The following ELP1 variants were observed in gnomAD, a reference collection of about 807,000 sequenced individuals.
ELP1 encodes elongator complex protein 1.
In ELP1, 131 loss-of-function variants were observed where a neutral mutation model predicts 183.2. The observed-to-expected ratio is 0.72, with a 90% CI of 0.62 to 0.83. The LOEUF (loss-of-function observed/expected upper bound fraction) is 0.83. Ranked by LOEUF, ELP1 falls within the 40% of genes least tolerant of loss-of-function variation. The pLI is 0.00. For synonymous variants in ELP1, 555 were observed against 569.0 expected (o/e 0.98, Z 0.35); for missense variants, 1,550 against 1,594.9 (o/e 0.97, Z 0.48).
chr9:108,927,531 A>T (rs1829858762), intron 3 of ELP1, 78 bp from the exon 4 acceptor site: 3 of 1,142,608 alleles, frequency 2.6e-6, no homozygotes, highest in Non-Finnish European at 4.0e-6. Flanking sequence ...CAATCAAAAC[A>T]ATTAAAAAAA....
intron 6 of ELP1, among the ~76,000 whole-genome samples, chr9:108,920,147 G>A (rs569028791): frequency 2.0e-4 from 30 of 152,272 alleles, no homozygotes; most frequent in East Asian, 3.9e-4. Flanking sequence ...GACAGAAAAC[G>A]TAGATGGCAA....
At position 108,867,791 on chromosome 9, in the gene ELP1, G is replaced by A. The variant is rs1320500231; in HGVS notation, c.*1324C>T. 2 of 152,170 alleles carry A rather than the reference G, an allele frequency of 1.3e-5. No individual in the cohort carries two copies. The highest frequency in any genetic ancestry group is 2.9e-5 in the Non-Finnish European group (2 of 68,034). 9.4% of individuals were successfully genotyped at this position (152,170 alleles called of 1,614,324 possible). A position where few individuals can be genotyped will look rare whatever the true frequency, so the allele number is the denominator to read the frequency against. Reference sequence around the variant, plus strand: ...GATTGTGAAAATGTTCAAACATACAGAAAAGTTGAATTTTACAGTGAATAC... The same window carrying A: ...GATTGTGAAAATGTTCAAACATACAAAAAAGTTGAATTTTACAGTGAATAC... On this transcript the variant is annotated 3_prime_UTR_variant, in exon 37 of 37. Transcript: ENST00000374647.
chr9:108,899,692 G>A, intron 20 of ELP1, 130 bp downstream of exon 20: 1 of 677,736 alleles, frequency 1.5e-6, no homozygotes, highest in Non-Finnish European at 2.5e-6. Context: ...GAGCCTCTAA[G>A]AATCTGATTG....
chr9:108,880,850 C>T (rs10979584), intron 31 of ELP1, among the ~76,000 whole-genome samples: 27,491 of 151,982 alleles, frequency 0.18, 3,219 homozygotes, highest in African/African-American at 0.33. Context: ...TAAAAAGTAC[C>T]CCAGCAACGT....
chr9:108,920,704 T>G (rs997279704), intron 6 of ELP1, among the ~76,000 whole-genome samples: 3 of 152,222 alleles, frequency 2.0e-5, no homozygotes, highest in Admixed American at 6.5e-5. Context: ...AGTACTTGTA[T>G]CTGCCTACTC....
At chr9:108,886,607 C>T (rs1046622009) in intron 29 of ELP1, among the ~76,000 whole-genome samples, 28 of 152,170 alleles carry the variant, frequency 1.8e-4, no homozygotes, top group African/African-American at 6.5e-4. Context: ...CAAAATTTAA[C>T]ACCCATTCAT....
rs2132027862 is a variant in ELP1 at position 108,917,576 on chromosome 9, T to C, written c.835A>G (p.Thr279Ala). Reference sequence around the variant, plus strand: ...ACCTCATCTTTAAGGAAGGGAAGTGTAAAGTGTCCATGAAGGAGTCCATTT... The same window carrying C: ...ACCTCATCTTTAAGGAAGGGAAGTGCAAAGTGTCCATGAAGGAGTCCATTT... ...EKNGLLHGHF[T>A]LPFLKDEVKV... The change falls in exon 9 of 37, where the codon ACA becomes GCA. Residue 279 changes from threonine to alanine, a missense_variant. Thr to Ala is a moderately conservative substitution (Grantham distance 58, BLOSUM62 0). Coordinates refer to ENST00000374647, the MANE Select transcript of ELP1 (RefSeq NM_003640.5). The C allele has an allele frequency of 6.2e-7, 1 of 1,613,984 alleles. No individual in the cohort carries two copies. The highest frequency in any genetic ancestry group is 1.1e-5 in the South Asian group (1 of 91,074).
At chr9:108,884,248 C>A (rs901118791) in intron 29 of ELP1, among the ~76,000 whole-genome samples, 1 of 152,108 alleles carries the variant, frequency 6.6e-6, no homozygotes, top group Non-Finnish European at 1.5e-5. Flanking sequence ...GCACCTATAA[C>A]AGAGCTTCAA....
At chr9:108,919,215 A>T (rs889628529) in intron 7 of ELP1, 38 bp downstream of exon 7, 7 of 1,453,982 alleles carry the variant, frequency 4.8e-6, no homozygotes, top group African/African-American at 1.4e-5. Context: ...TAAGATAAAA[A>T]TTTTTTATTG....
rs971091914 is a variant in ELP1 at position 108,878,435 on chromosome 9, C to T, written c.3700+188G>A. On this transcript the variant is annotated intron_variant, in intron 34 of 36. Coordinates refer to ENST00000374647, the MANE Select transcript of ELP1 (RefSeq NM_003640.5). ...TAGGGGGATGCCAAATGGAGGAAGGCTTCTCAGTTACCAGCTAAGAAGGGC... is the reference window on the plus strand; with the variant it reads ...TAGGGGGATGCCAAATGGAGGAAGGTTTCTCAGTTACCAGCTAAGAAGGGC... Among the ~76,000 whole-genome samples the T allele has an allele frequency of 7.9e-5, 12 of 152,210 alleles. No homozygotes were observed. The East Asian group carries it at 2.3e-3, about 29-fold the overall frequency.
rs368982368 is a variant in ELP1 at position 108,930,623 on chromosome 9, G to A, written c.150+374C>T. ...GAGAATGGTGTGAACCCGGGGAGGC[G>A]GAGCTTGCAGTGAGCCACGATCACA... On this transcript the variant is annotated intron_variant, in intron 2 of 36. Coordinates refer to ENST00000374647, the MANE Select transcript of ELP1 (RefSeq NM_003640.5). 7.4e-4 allele frequency among the ~76,000 whole-genome samples: 112 copies of A among 150,940 alleles called. 1 individual carries two copies. In the East Asian group the frequency reaches 0.014, roughly 19 times the overall value.
chr9:108,933,658 T>A (rs1034937584), intron 1 of ELP1, among the ~76,000 whole-genome samples: 3 of 152,252 alleles, frequency 2.0e-5, no homozygotes, highest in Non-Finnish European at 2.9e-5. Context: ...GCAGCAGGCA[T>A]CCCTGGGCTG....
At chr9:108,925,933 C>A (rs567433873) in intron 5 of ELP1, among the ~76,000 whole-genome samples, 5 of 152,308 alleles carry the variant, frequency 3.3e-5, no homozygotes, top group Admixed American at 1.3e-4. Context: ...GTTGATGGAG[C>A]AAGAAGGCAG....
chr9:108,900,414 A>G (rs1322976508), intron 18 of ELP1, 39 bp from the exon 19 acceptor site: 9 of 1,402,548 alleles, frequency 6.4e-6, no homozygotes, highest in East Asian at 2.3e-5. Context: ...AATTATCACA[A>G]CAAGCCACTC....
Position 108,926,544 on chromosome 9 carries a change from G to C in ELP1, c.445C>G (p.His149Asp). Residue 149 changes from histidine (H) to aspartate (D), a missense_variant, in exon 5 of 37, where the codon CAT (histidine) becomes GAT (aspartate). Transcript: ENST00000374647. ...DFEPILEQQI[H>D]QDDFGESKFI... ...TTACTTTCACCAAAATCATCCTGAT[G>C]GATCTGCTGCTCCAGGATTGGCTCA... 6.2e-7 allele frequency: 1 copy of C among 1,612,994 alleles called. No individual in the cohort carries two copies. Among genetic ancestry groups the C allele is most frequent in the Non-Finnish European group, 8.5e-7 (1 of 1,179,668 alleles).
chr9:108,928,069 T>C (rs1042997030), intron 3 of ELP1, among the ~76,000 whole-genome samples: 30 of 152,220 alleles, frequency 2.0e-4, no homozygotes, highest in African/African-American at 7.0e-4. Context: ...AAACGCTTGA[T>C]GGGATGGATA....
intron 10 of ELP1, 71 bp downstream of exon 10, chr9:108,916,133 G>T: frequency 8.7e-7 from 1 of 1,154,920 alleles, no homozygotes; most frequent in Non-Finnish European, 1.3e-6. Context: ...AGGGATGAAG[G>T]AAATCCCATA....
intron 16 of ELP1, 96 bp from the exon 17 acceptor site, chr9:108,901,777 CA>C: frequency 8.5e-7 from 1 of 1,173,284 alleles, no homozygotes. Flanking sequence ...TATGATTTCA[CA>C]CCTAAGTTCC....
At chr9:108,871,893 ACTGC>A (rs1827472460) in intron 36 of ELP1, among the ~76,000 whole-genome samples, 1 of 152,248 alleles carries the variant, frequency 6.6e-6, no homozygotes, top group Non-Finnish European at 1.5e-5. Context: ...TGCTGGCATA[ACTGC>A]AGTGACAGCT....
Sources: gnomAD v4.1 joint callset for allele counts (sites outside exome capture counted in the v4.1 genomes callset) on GRCh38, gnomAD v4.1.1 for gene constraint, MANE v1.5 for transcripts, NCBI Gene and HGNC (gene_info 2026-07-23, HGNC 2026-07-21) for gene names.